HYDIN: variants seen among roughly 807,000 people sequenced by gnomAD.
HYDIN encodes the protein axonemal central pair apparatus protein HYDIN.
Under a neutral mutation model 403.9 loss-of-function variants are expected in HYDIN, and 132 were observed. The observed-to-expected ratio is 0.33, with a 90% CI of 0.28 to 0.38. HYDIN has a LOEUF of 0.38. Ranked by LOEUF, HYDIN falls within the 10% of genes least tolerant of loss-of-function variation. HYDIN has a pLI of 1.00. For missense variants in HYDIN, 2,827 were observed against 5,009.5 expected, an observed-to-expected ratio of 0.56 and a Z score of 13.15; for synonymous variants, 1,202 against 1,891.7, an observed-to-expected ratio of 0.64 and a Z score of 9.46.
chr16:71,229,466 A>G (rs1463390815), intron 1 of HYDIN, among the ~76,000 whole-genome samples: 1 of 152,244 alleles, frequency 6.6e-6, no homozygotes, highest in Non-Finnish European at 1.5e-5. Context: ...GGGAATATTT[A>G]TAACAGTTTT....
chr16:70,924,856 G>C (rs1311249383), intron 45 of HYDIN, among the ~76,000 whole-genome samples: 1 of 109,456 alleles, frequency 9.1e-6, no homozygotes, highest in African/African-American at 3.5e-5. Flanking sequence ...ATAAACGCTG[G>C]GCCTAACATC....
At position 70,990,610 on chromosome 16, in the gene HYDIN, C is replaced by T. The variant is rs535730000; in HGVS notation, c.3864+708G>A. On this transcript the variant is annotated intron_variant, in intron 25 of 85. Transcript: ENST00000393567. ...TTTAAAAAAGAATTTCATAGTATTG[C>T]CTTGTGCAGATGTAATTTAGTTTAT... 4.0e-5 allele frequency among the ~76,000 whole-genome samples: 6 copies of T among 151,570 alleles called. No homozygotes were observed. In the East Asian group the frequency reaches 1.2e-3, roughly 29 times the overall value.
At chr16:70,955,787 G>A (rs1434396161) in intron 39 of HYDIN, among the ~76,000 whole-genome samples, 4 of 152,182 alleles carry the variant, frequency 2.6e-5, no homozygotes, top group South Asian at 4.2e-4. Context: ...CTGCATCCTC[G>A]CTGGGTTTTC....
At chr16:71,172,872 T>C (rs2086522915) in intron 5 of HYDIN, among the ~76,000 whole-genome samples, 1 of 152,166 alleles carries the variant, frequency 6.6e-6, no homozygotes, top group South Asian at 2.1e-4. Flanking sequence ...GAAGAAACAG[T>C]GACACTTGGT....
At chr16:71,061,539 CCCTCTT>C (rs148705363) in intron 17 of HYDIN, among the ~76,000 whole-genome samples, 2 of 152,168 alleles carry the variant, frequency 1.3e-5, no homozygotes, top group Non-Finnish European at 2.9e-5. Flanking sequence ...TTCCATGAAT[CCCTCTT>C]CCTCTTCCTC....
intron 1 of HYDIN, among the ~76,000 whole-genome samples, chr16:71,189,850 A>T: frequency 6.6e-6 from 1 of 152,088 alleles, no homozygotes. Context: ...GAGCCGAGAA[A>T]TCTTATCATT....
At chr16:70,852,761 C>T (rs2038740068) in intron 73 of HYDIN, 1 of 152,228 alleles carries the variant, frequency 6.6e-6, no homozygotes, top group African/African-American at 2.4e-5. Flanking sequence ...GCCCTCAGGC[C>T]TGACAACACA....
At chr16:71,131,851 C>A (rs1203158538) in intron 8 of HYDIN, 1 of 151,258 alleles carries the variant, frequency 6.6e-6, no homozygotes, top group African/African-American at 2.4e-5. Context: ...AATATGCACA[C>A]TGCCTCCCAG....
At chr16:70,923,647 C>CA (rs57860871) in intron 45 of HYDIN, among the ~76,000 whole-genome samples, 5,796 of 69,280 alleles carry the variant, frequency 0.084, 729 homozygotes, top group African/African-American at 0.33. Flanking sequence ...CTAAAAAATA[C>CA]AAAAAAAAAA....
At chr16:70,843,289 G>A (rs1231652214) in intron 75 of HYDIN, among the ~76,000 whole-genome samples, 1 of 144,266 alleles carries the variant, frequency 6.9e-6, no homozygotes, top group African/African-American at 2.6e-5. Flanking sequence ...GAGAATATGT[G>A]CTGTTTGGTT....
At chr16:71,113,474 T>A (rs1213061768) in intron 10 of HYDIN, 1 of 152,252 alleles carries the variant, frequency 6.6e-6, no homozygotes, top group Non-Finnish European at 1.5e-5. Flanking sequence ...TGCCCAATAA[T>A]GTCCTTTATA....
chr16:71,085,506 T>C (rs1350735038), intron 12 of HYDIN, among the ~76,000 whole-genome samples: 1 of 151,462 alleles, frequency 6.6e-6, no homozygotes, highest in East Asian at 1.9e-4. Context: ...TCAACTCTTC[T>C]ATTTCCTTTG....
intron 1 of HYDIN, among the ~76,000 whole-genome samples, chr16:71,224,214 G>A (rs1017943121): frequency 9.2e-5 from 14 of 152,130 alleles, no homozygotes; most frequent in African/African-American, 2.2e-4. Flanking sequence ...AATACCATAC[G>A]TTCTCCCTTA....
chr16:71,081,804 A>G (rs974504602), intron 12 of HYDIN, among the ~76,000 whole-genome samples: 7 of 151,238 alleles, frequency 4.6e-5, no homozygotes, highest in Non-Finnish European at 8.8e-5. Flanking sequence ...AAGAGAGAGA[A>G]TGATTCAATT....
chr16:71,014,380 G>A (rs949758330), intron 23 of HYDIN, among the ~76,000 whole-genome samples: 1 of 132,372 alleles, frequency 7.6e-6, no homozygotes, highest in Non-Finnish European at 1.5e-5. Flanking sequence ...TGGTAGAAGC[G>A]TGTCATTTGC....
chr16:70,980,246 T>C (rs1257182100), intron 29 of HYDIN, among the ~76,000 whole-genome samples: 4 of 149,934 alleles, frequency 2.7e-5, no homozygotes, highest in African/African-American at 9.9e-5. Context: ...TCAACACCTG[T>C]AATCTTAGTG....
At position 70,981,491 on chromosome 16, in the gene HYDIN, A is replaced by C; in HGVS notation, c.4410T>G (p.Ser1470Arg). The C allele has an allele frequency of 6.2e-7, 1 of 1,612,176 alleles. No individual in the cohort carries two copies. The highest frequency in any genetic ancestry group is 8.5e-7 in the Non-Finnish European group (1 of 1,179,306). ...LPGVPEVFKRSFQIQIAHLDP... is the reference protein window; with the variant it reads ...LPGVPEVFKRRFQIQIAHLDP... The stretch of plus-strand genomic sequence containing the variant: ...CCAGGTGGGCGATCTGTATCTGGAA[A>C]CTCCTTTTAAAGACCTCAGGTACTC... Residue 1470 changes from serine (S) to arginine (R), a missense_variant, in exon 29 of 86, where the codon AGT (serine) becomes AGG (arginine). Ser to Arg is a moderately radical substitution (Grantham distance 110). Transcript: ENST00000393567.
chr16:71,167,115 T>G (rs951078391), intron 5 of HYDIN, among the ~76,000 whole-genome samples: 3 of 151,426 alleles, frequency 2.0e-5, no homozygotes, highest in African/African-American at 7.3e-5. Flanking sequence ...AATAAAATTT[T>G]AAAAATTGAG....
At chr16:70,810,962 G>A (rs571546686) in intron 84 of HYDIN, among the ~76,000 whole-genome samples, 6 of 152,306 alleles carry the variant, frequency 3.9e-5, no homozygotes, top group African/African-American at 1.4e-4. Context: ...TGAAGAATAT[G>A]TCTATGGATG....
Sources: allele counts gnomAD v4.1 joint callset (sites outside exome capture counted in the v4.1 genomes callset), GRCh38; gene constraint gnomAD v4.1.1; transcripts MANE v1.5; gene names NCBI Gene and HGNC (gene_info 2026-07-23, HGNC 2026-07-21).